Variants in DPEP2NB observed in about 807,000 individuals in gnomAD.
DPEP2NB encodes DPEP2 neighbor protein.
For synonymous variants in DPEP2NB, 35 were observed against 55.3 expected, an observed-to-expected ratio of 0.63 and a Z score of 1.63; for missense variants, 117 against 151.8, an observed-to-expected ratio of 0.77 and a Z score of 1.21.
chr16:68,015,561 G>GGTCCCTGA (rs2033163575), intron 1 of DPEP2NB, 143 bp downstream of exon 1: 1 of 414,784 alleles, frequency 2.4e-6, no homozygotes, highest in South Asian at 1.3e-4. Context: ...GAACACTGTG[G>GGTCCCTGA]GTCCCTGAGT....
Position 68,015,698 on chromosome 16 carries a change from G to C in DPEP2NB, c.67+6C>G. ...CCTCCTGTATAGATGCCCCCTGTATGCCTACCTGCTGCGCTGCCCTCCCAG... is the reference window on the plus strand; with the variant it reads ...CCTCCTGTATAGATGCCCCCTGTATCCCTACCTGCTGCGCTGCCCTCCCAG... On this transcript the variant is annotated splice_donor_region_variant and intron_variant, in intron 1 of 1. Transcript: ENST00000574912. The C allele has an allele frequency of 8.1e-7, 1 of 1,229,636 alleles. No individual in the cohort carries two copies. The highest frequency in any genetic ancestry group is 1.0e-6 in the Non-Finnish European group (1 of 986,104). The allele number at this position is 1,229,636 out of a possible 1,614,324, so 76.2% of individuals were successfully genotyped here.
intron 1 of DPEP2NB, among the ~76,000 whole-genome samples, chr16:68,015,300 G>A (rs1414275250): frequency 6.7e-6 from 1 of 149,908 alleles, no homozygotes; most frequent in Non-Finnish European, 1.5e-5. Flanking sequence ...GACGAGTTGG[G>A]AGAATCCCCT....
chr16:68,015,844 G>T lies in DPEP2NB; in HGVS notation c.-74C>A. ...GGAGGCTTCTCTAGGACGCAGGTGT[G>T]TAGTCACGCTGCCATGGAAACTTTG... is the stretch of plus-strand genomic sequence containing the variant. On this transcript the variant is annotated 5_prime_UTR_variant, in exon 1 of 2. Coordinates refer to ENST00000574912, the MANE Select transcript of DPEP2NB (RefSeq NM_001282442.2). 1.3e-6 allele frequency: 1 copy of T among 759,984 alleles called. No homozygotes were observed. The allele number at this position is 759,984 out of a possible 1,614,324, so 47.1% of individuals were successfully genotyped here.
intron 1 of DPEP2NB, 138 bp from the exon 2 acceptor site, chr16:68,014,550 T>C (rs1031383139): frequency 2.1e-6 from 1 of 482,202 alleles, no homozygotes; most frequent in Non-Finnish European, 3.3e-6. Context: ...CACCTCTATG[T>C]GTCCCTGAGA....
intron 1 of DPEP2NB, 133 bp downstream of exon 1, chr16:68,015,571 T>C (rs2033163739): frequency 1.2e-5 from 5 of 426,676 alleles, no homozygotes; most frequent in Non-Finnish European, 1.6e-5. Flanking sequence ...GGTCCCTGAG[T>C]GGCCACGCCC....
intron 1 of DPEP2NB, 63 bp downstream of exon 1, chr16:68,015,641 G>T: frequency 3.1e-6 from 3 of 982,036 alleles, no homozygotes; most frequent in Non-Finnish European, 3.9e-6. Flanking sequence ...GAAGGAATGT[G>T]TCAGCCAGGT....
At chr16:68,015,559 T>A in intron 1 of DPEP2NB, 145 bp downstream of exon 1, 1 of 384,380 alleles carries the variant, frequency 2.6e-6, no homozygotes, top group Non-Finnish European at 4.5e-6. Flanking sequence ...AGGAACACTG[T>A]GGGTCCCTGA....
Position 68,014,937 on chromosome 16 carries a change from G to A in DPEP2NB, c.68-525C>T, listed in dbSNP as rs547848312. Reference sequence around the variant, plus strand: ...GGAGAATCGCTTGAACCTGGGAGGCGGAGGTTGCAGTGAGCCAAGATCGCA... The same window carrying A: ...GGAGAATCGCTTGAACCTGGGAGGCAGAGGTTGCAGTGAGCCAAGATCGCA... On this transcript the variant is annotated intron_variant, in intron 1 of 1. Coordinates refer to ENST00000574912, the MANE Select transcript of DPEP2NB (RefSeq NM_001282442.2). 4.6e-5 allele frequency among the ~76,000 whole-genome samples: 7 copies of A among 152,122 alleles called. No individual in the cohort carries two copies. The South Asian group carries it at 1.0e-3, about 23-fold the overall frequency.
Position 68,014,204 on chromosome 16 carries a change from C to T in DPEP2NB, c.276G>A (p.Thr92=), listed in dbSNP as rs757790079. The change falls in exon 2 of 2, where the codon ACG becomes ACA. Residue 92 remains threonine (T), a synonymous_variant. Coordinates refer to ENST00000574912, the MANE Select transcript of DPEP2NB (RefSeq NM_001282442.2). ...AACCCAGGTCTTTATCTGACTCTATCGTAGCTTGACGTCTCTTGGGAGCAC... is the reference window on the plus strand; with the variant it reads ...AACCCAGGTCTTTATCTGACTCTATTGTAGCTTGACGTCTCTTGGGAGCAC... ...PRRAPKRRQA[T]IESDKDLGCS... is the part of the protein sequence containing the mutation. 24 of 1,231,630 alleles carry T rather than the reference C, an allele frequency of 1.9e-5. No homozygotes were observed. The highest frequency in any genetic ancestry group is 6.2e-5 in the African/African-American group (4 of 64,418). 76.3% of individuals were successfully genotyped at this position (1,231,630 alleles called of 1,614,324 possible). A position where few individuals can be genotyped will look rare whatever the true frequency, so the allele number is the denominator to read the frequency against.
Position 68,013,452 on chromosome 16 carries a change from T to C in DPEP2NB, c.*656A>G, listed in dbSNP as rs2033144959. 1 of 151,954 alleles carries C rather than the reference T, an allele frequency of 6.6e-6. No homozygotes were observed. Among genetic ancestry groups the C allele is most frequent in the African/African-American group, 2.4e-5 (1 of 41,374 alleles). The allele number at this position is 151,954 out of a possible 1,614,324, so 9.4% of individuals were successfully genotyped here. ...GTCAAATACTGTTATGGAAAAATAA[T>C]TTTTTTAATTTTTTTTTAAATTGAG... is the stretch of plus-strand genomic sequence containing the variant. On this transcript the variant is annotated 3_prime_UTR_variant, in exon 2 of 2. Coordinates refer to ENST00000574912, the MANE Select transcript of DPEP2NB (RefSeq NM_001282442.2).
chr16:68,014,411 A>G lies in DPEP2NB; in HGVS notation c.69T>C (p.Ala23=). 2.4e-6 allele frequency: 3 copies of G among 1,231,830 alleles called. No homozygotes were observed. The highest frequency in any genetic ancestry group is 3.0e-6 in the Non-Finnish European group (3 of 988,012). The allele number at this position is 1,231,830 out of a possible 1,614,324, so 76.3% of individuals were successfully genotyped here. Residue 23 remains alanine (A), a splice_region_variant and synonymous_variant, in exon 2 of 2, where the codon GCT becomes GCC. Transcript: ENST00000574912. ...TGGGAGGAGAAGTGGCAGGCACTGC[A>G]GCTGGAAAGAAAACCAGAATTAGTC... is the stretch of plus-strand genomic sequence containing the variant. ...SSVPWEGSAA[A]AVPATSPPTP... is the part of the protein sequence containing the mutation.
intron 1 of DPEP2NB, among the ~76,000 whole-genome samples, 189 bp downstream of exon 1, chr16:68,015,515 T>C (rs529066148): frequency 6.7e-6 from 1 of 149,510 alleles, no homozygotes; most frequent in East Asian, 2.0e-4. Flanking sequence ...AGATGACATT[T>C]CACTTGCCCT....
Position 68,014,318 on chromosome 16 carries a change from C to T in DPEP2NB, c.162G>A (p.Thr54=), listed in dbSNP as rs992577286. ...CCCGGTAGCCACCAACCAGGCAGTA[C>T]GTCTCCCCATGCCAGCCTACCTGAG... ...GETQVGWHGE[T]YCLVGGYRVH... is the part of the protein sequence containing the mutation. Residue 54 remains threonine, a synonymous_variant, in exon 2 of 2, where the codon ACG becomes ACA. Transcript: ENST00000574912. The T allele has an allele frequency of 3.7e-5, 46 of 1,231,662 alleles. No individual in the cohort carries two copies. The highest frequency in any genetic ancestry group is 4.5e-5 in the Non-Finnish European group (44 of 988,036). 76.3% of individuals were successfully genotyped at this position (1,231,662 alleles called of 1,614,324 possible).
intron 1 of DPEP2NB, among the ~76,000 whole-genome samples, 155 bp downstream of exon 1, chr16:68,015,549 A>G (rs917081157): frequency 6.6e-6 from 1 of 150,800 alleles, no homozygotes; most frequent in Non-Finnish European, 1.5e-5. Context: ...TGCCCTGAGC[A>G]GGAACACTGT....
Position 68,014,013 on chromosome 16 carries a change from C to T in DPEP2NB, c.*95G>A, listed in dbSNP as rs564574797. The T allele has an allele frequency of 4.0e-6, 4 of 1,000,610 alleles. No individual in the cohort carries two copies. The highest frequency in any genetic ancestry group is 4.3e-5 in the Admixed American group (1 of 23,408). The allele number at this position is 1,000,610 out of a possible 1,614,324, so 62.0% of individuals were successfully genotyped here. On this transcript the variant is annotated 3_prime_UTR_variant, in exon 2 of 2. Transcript: ENST00000574912. The stretch of plus-strand genomic sequence containing the variant: ...TGAGGAAGGCATAGGCAGAATGACT[C>T]AGGCTCTATCTGCAGTGGTGGGCAG...
intron 1 of DPEP2NB, among the ~76,000 whole-genome samples, chr16:68,015,110 G>A (rs1252899988): frequency 6.6e-6 from 1 of 151,882 alleles, no homozygotes; most frequent in African/African-American, 2.4e-5. Context: ...CAAATTGGTG[G>A]GCCAGGCACA....
At chr16:68,014,988 G>C (rs973558183) in intron 1 of DPEP2NB, among the ~76,000 whole-genome samples, 1 of 152,034 alleles carries the variant, frequency 6.6e-6, no homozygotes, top group Non-Finnish European at 1.5e-5. Flanking sequence ...CTGGGTGACA[G>C]AGCGAGACAC....
rs1410487230 is a variant in DPEP2NB, at chr16:68,013,573, TG to T, written c.*534del. 6.6e-6 allele frequency: 1 copy of T among 152,258 alleles called. No individual in the cohort carries two copies. The highest frequency in any genetic ancestry group is 2.4e-5 in the African/African-American group (1 of 41,428). 9.4% of individuals were successfully genotyped at this position (152,258 alleles called of 1,614,324 possible). A position where few individuals can be genotyped will look rare whatever the true frequency, so the allele number is the denominator to read the frequency against. On this transcript the variant is annotated 3_prime_UTR_variant, in exon 2 of 2. Transcript: ENST00000574912. ...TCAACTTCCTCCTTATTGTTCTTGC[TG>T]TAGGTGGCAGGTCTCCCCAGGTCTC...
At position 68,014,161 on chromosome 16, in the gene DPEP2NB, G is replaced by A. The variant is rs1008927958; in HGVS notation, c.319C>T (p.Arg107Trp). 8 of 1,231,618 alleles carry A rather than the reference G, an allele frequency of 6.5e-6. 1 individual carries two copies. The highest frequency in any genetic ancestry group is 4.2e-5 in the Admixed American group (1 of 23,698). 76.3% of individuals were successfully genotyped at this position (1,231,618 alleles called of 1,614,324 possible). The change falls in exon 2 of 2, where the codon CGG becomes TGG. Residue 107 changes from arginine to tryptophan, a missense_variant. By Grantham distance (101) the Arg-to-Trp change is moderately radical. Coordinates refer to ENST00000574912, the MANE Select transcript of DPEP2NB (RefSeq NM_001282442.2). Reference protein sequence around the residue: ...KDLGCSSPKIRRLEHRGRRLT... With the variant: ...KDLGCSSPKIWRLEHRGRRLT... Reference sequence around the variant, plus strand: ...CTCCTGCCACGATGCTCCAAGCGCCGAATTTTGGGGCTAGAGCAACCCAGG... The same window carrying A: ...CTCCTGCCACGATGCTCCAAGCGCCAAATTTTGGGGCTAGAGCAACCCAGG...
Sources: gnomAD v4.1 joint callset for allele counts (sites outside exome capture counted in the v4.1 genomes callset) on GRCh38, gnomAD v4.1.1 for gene constraint, MANE v1.5 for transcripts, NCBI Gene and HGNC (gene_info 2026-07-23, HGNC 2026-07-21) for gene names.